Variants in MUC5AC observed in about 807,000 individuals in gnomAD.
MUC5AC encodes the protein mucin 5AC, oligomeric mucus/gel-forming, also known as mucin-5AC.
Under a neutral mutation model 169.7 loss-of-function variants are expected in MUC5AC, and 158 were observed. The observed-to-expected ratio is 0.93, with a 90% CI of 0.82 to 1.06. The LOEUF (loss-of-function observed/expected upper bound fraction) is 1.06. Ranked by LOEUF, MUC5AC falls within the 50% of genes least tolerant of loss-of-function variation. MUC5AC has a pLI of 0.00. For synonymous variants in MUC5AC, 1,975 were observed against 1,237.0 expected, an observed-to-expected ratio of 1.60 and a Z score of -12.52; for missense variants, 4,359 against 3,089.9, an observed-to-expected ratio of 1.41 and a Z score of -9.74.
At chr11:1,193,385 C>A in intron 32 of MUC5AC, 100 bp from the exon 33 acceptor site, 1 of 633,714 alleles carries the variant, frequency 1.6e-6, no homozygotes, top group Non-Finnish European at 2.9e-6. Context: ...CCACCCTCCC[C>A]TGTCCCCACA....
chr11:1,172,575 G>T, intron 16 of MUC5AC, 52 bp downstream of exon 16: 1 of 398,584 alleles, frequency 2.5e-6, no homozygotes, highest in South Asian at 1.3e-4. Flanking sequence ...TGAGCCTCAC[G>T]GCTGCCTCCA....
chr11:1,200,194 C>T (rs917435161), intron 48 of MUC5AC, among the ~76,000 whole-genome samples: 6 of 152,226 alleles, frequency 3.9e-5, no homozygotes, highest in Non-Finnish European at 4.4e-5. Context: ...TACTGAGCTC[C>T]GCCAGGAACT....
intron 26 of MUC5AC, 104 bp from the exon 27 acceptor site, chr11:1,179,918 C>T (rs1328256550): frequency 4.8e-5 from 19 of 397,636 alleles, no homozygotes; most frequent in South Asian, 3.9e-4. Flanking sequence ...TTGTGATGGC[C>T]GGGAGGTGCA....
At chr11:1,160,897 C>G (rs1860123843) in intron 2 of MUC5AC, among the ~76,000 whole-genome samples, 1 of 152,238 alleles carries the variant, frequency 6.6e-6, no homozygotes, top group African/African-American at 2.4e-5. Context: ...CCCTGCAGCG[C>G]TTAGGCTCTG....
At position 1,187,871 on chromosome 11, in the gene MUC5AC, C is replaced by T. The variant is rs1554928369; in HGVS notation, c.9726C>T (p.His3242=). ...TAGACTTCCCATCCCCTGGACCCCACGGCGGGGACAAGGAAACCTACAACA... is the reference window on the plus strand; with the variant it reads ...TAGACTTCCCATCCCCTGGACCCCATGGCGGGGACAAGGAAACCTACAACA... ...FDIDFPSPGP[H]GGDKETYNNI... is the part of the protein sequence containing the mutation. The change falls in exon 31 of 49, where the codon CAC becomes CAT. Residue 3242 remains histidine, a synonymous_variant. Coordinates refer to ENST00000621226, the MANE Select transcript of MUC5AC (RefSeq NM_001304359.2). 290 of 760,346 alleles carry T rather than the reference C, an allele frequency of 3.8e-4. 1 individual carries two copies. The highest frequency in any genetic ancestry group is 3.0e-3 in the South Asian group (219 of 74,158). 47.1% of individuals were successfully genotyped at this position (760,346 alleles called of 1,614,324 possible).
chr11:1,193,597 A>G lies in MUC5AC; in HGVS notation c.14693A>G (p.Asn4898Ser). The change falls in exon 33 of 49, where the codon AAC becomes AGC. Residue 4898 changes from asparagine (N) to serine (S), a missense_variant. By Grantham distance (46) the Asn-to-Ser change is conservative. Transcript: ENST00000621226. ...AGGGTGGAGAAGCCCACTTGTGCCA[A>G]CGGCTACCCGGCTGTGAAGGTGGCT... ...CPRVEKPTCA[N>S]GYPAVKVADQ... is the part of the protein sequence containing the mutation. 1.3e-6 allele frequency: 1 copy of G among 765,022 alleles called. No individual in the cohort carries two copies. Among genetic ancestry groups the G allele is most frequent in the South Asian group, 1.3e-5 (1 of 74,616 alleles). 47.4% of individuals were successfully genotyped at this position (765,022 alleles called of 1,614,324 possible). A position where few individuals can be genotyped will look rare whatever the true frequency, so the allele number is the denominator to read the frequency against.
chr11:1,198,133 C>T (rs774285215), intron 42 of MUC5AC, 129 bp downstream of exon 42: 24 of 676,094 alleles, frequency 3.5e-5, no homozygotes, highest in South Asian at 9.4e-5. Context: ...CTGAGCCTTC[C>T]GCAGAGATGA....
chr11:1,194,402 C>T (rs1397447366), intron 34 of MUC5AC, 42 bp downstream of exon 34: 9 of 707,882 alleles, frequency 1.3e-5, no homozygotes, highest in Non-Finnish European at 2.1e-5. Flanking sequence ...GTGGGGGACG[C>T]GGCTTTCCCG....
Position 1,194,256 on chromosome 11 carries a change from G to A in MUC5AC, c.14902G>A (p.Gly4968Ser), listed in dbSNP as rs757136275. ...CGTGCTCGTCGACAACTACTTCTGC[G>A]GTGCGGAGGACGGGCTCTCCTGCCC... is the stretch of plus-strand genomic sequence containing the variant. ...FRVLVDNYFC[G>S]AEDGLSCPRS... The change falls in exon 34 of 49, where the codon GGT (glycine) becomes AGT (serine). Residue 4968 changes from glycine to serine, a missense_variant. Physicochemically the swap from Gly to Ser is moderately conservative, Grantham distance 56. Transcript: ENST00000621226. 3.8e-5 allele frequency: 29 copies of A among 764,386 alleles called. No homozygotes were observed. Among genetic ancestry groups the A allele is most frequent in the Non-Finnish European group, 5.5e-5 (23 of 417,700 alleles). The allele number at this position is 764,386 out of a possible 1,614,324, so 47.4% of individuals were successfully genotyped here.
At chr11:1,165,527 A>G in intron 10 of MUC5AC, 95 bp from the exon 11 acceptor site, 1 of 1,586,264 alleles carries the variant, frequency 6.3e-7, no homozygotes. Flanking sequence ...CGGTGTAGGC[A>G]GGCCTGGGGT....
rs1860234876 is a variant in MUC5AC, at chr11:1,164,204, C to T, written c.888C>T (p.Cys296=). The T allele has an allele frequency of 1.9e-6, 3 of 1,612,506 alleles. No homozygotes were observed. Among genetic ancestry groups the T allele is most frequent in the Non-Finnish European group, 2.5e-6 (3 of 1,179,876 alleles). The part of the protein sequence containing the change: ...SYLEACRQDL[C]FCEDTDLLSC... The stretch of plus-strand genomic sequence containing the variant: ...TGGAGGCTTGCAGGCAAGACCTCTG[C>T]TTCTGTGAAGACACCGACCTGCTCA... The change falls in exon 8 of 49, where the codon TGC becomes TGT. Residue 296 remains cysteine, a synonymous_variant. Coordinates refer to ENST00000621226, the MANE Select transcript of MUC5AC (RefSeq NM_001304359.2).
At chr11:1,169,242 G>A in intron 15 of MUC5AC, 1 of 877,320 alleles carries the variant, frequency 1.1e-6, no homozygotes, top group Non-Finnish European at 1.4e-6. Context: ...GTCAAAGAAA[G>A]GGTACAAGTC....
At position 1,192,144 on chromosome 11, in the gene MUC5AC, C is replaced by T. The variant is rs778196928; in HGVS notation, c.13999C>T (p.Arg4667Ter). Residue 4667 changes from arginine to a stop codon, truncating the protein, a stop_gained, in exon 31 of 49, where the codon CGA becomes TGA. Transcript: ENST00000621226. LOFTEE classifies it high-confidence loss of function. Reference protein sequence around the residue: ...IIRSGEKICRRPEEITRLQCR... With the variant: ...IIRSGEKICR ...CAGGAGTGGGGAAAAAATCTGCCGC[C>T]GACCTGAGGAGATCACCAGGCTCCA... 3.9e-6 allele frequency: 3 copies of T among 764,942 alleles called. No homozygotes were observed. The highest frequency in any genetic ancestry group is 7.2e-6 in the Non-Finnish European group (3 of 417,892). 47.4% of individuals were successfully genotyped at this position (764,942 alleles called of 1,614,324 possible).
intron 43 of MUC5AC, 101 bp from the exon 44 acceptor site, chr11:1,198,773 G>A: frequency 1.5e-6 from 1 of 652,940 alleles, no homozygotes; most frequent in Non-Finnish European, 2.8e-6. Context: ...GGCCTGGAGG[G>A]GGATGTCTGG....
chr11:1,177,936 G>T (rs1313030918), intron 24 of MUC5AC, among the ~76,000 whole-genome samples: 1 of 149,740 alleles, frequency 6.7e-6, no homozygotes, highest in Non-Finnish European at 1.5e-5. Flanking sequence ...GCTCTGGGGG[G>T]CTCCTTTTGG....
At position 1,168,677 on chromosome 11, in the gene MUC5AC, A is replaced by G. The variant is rs749039414; in HGVS notation, c.1603A>G (p.Ile535Val). The G allele has an allele frequency of 4.0e-5, 65 of 1,610,582 alleles. No individual in the cohort carries two copies. Among genetic ancestry groups the G allele is most frequent in the Non-Finnish European group, 4.0e-5 (47 of 1,178,138 alleles). ...CATCTTCAGACCCTCAACCTTCTTC[A>G]TCATCGCCCAGACCAGCCTGGGCCT... ...VTIFRPSTFF[I>V]IAQTSLGLQL... The change falls in exon 14 of 49, where the codon ATC (isoleucine) becomes GTC (valine). Residue 535 changes from isoleucine to valine, a missense_variant. Coordinates refer to ENST00000621226, the MANE Select transcript of MUC5AC (RefSeq NM_001304359.2).
Position 1,178,693 on chromosome 11 carries a change from C to T in MUC5AC, c.3327+10C>T. On this transcript the variant is annotated intron_variant, in intron 25 of 48. Coordinates refer to ENST00000621226, the MANE Select transcript of MUC5AC (RefSeq NM_001304359.2). ...CGCCTGCCACGCACACGTATGCTGG[C>T]CGGGGGGCGTTTCTCTGGGCCCAAG... 7.9e-7 allele frequency: 1 copy of T among 1,263,874 alleles called. No homozygotes were observed. The highest frequency in any genetic ancestry group is 1.0e-6 in the Non-Finnish European group (1 of 989,646). 78.3% of individuals were successfully genotyped at this position (1,263,874 alleles called of 1,614,324 possible).
Position 1,161,550 on chromosome 11 carries a change from G to C in MUC5AC, c.175G>C (p.Val59Leu). The change falls in exon 3 of 49, where the codon GTC becomes CTC. Residue 59 changes from valine (V) to leucine (L), a missense_variant. Coordinates refer to ENST00000621226, the MANE Select transcript of MUC5AC (RefSeq NM_001304359.2). The stretch of plus-strand genomic sequence containing the variant: ...AGGGGTCCCGCTCCGTGGGGCGACT[G>C]TCTTCCCATCTCTGAGGACCATCCC... ...PSGVPLRGAT[V>L]FPSLRTIPVV... The C allele has an allele frequency of 6.2e-7, 1 of 1,609,492 alleles. No individual in the cohort carries two copies. Among genetic ancestry groups the C allele is most frequent in the Non-Finnish European group, 8.5e-7 (1 of 1,177,854 alleles).
chr11:1,168,615 C>A (rs951148790), intron 13 of MUC5AC, 27 bp from the exon 14 acceptor site: 2 of 1,611,944 alleles, frequency 1.2e-6, no homozygotes, highest in Non-Finnish European at 8.5e-7. Context: ...CAGCCCCCAG[C>A]AAAACCCTTG....
Sources: gnomAD v4.1 joint callset for allele counts (sites outside exome capture counted in the v4.1 genomes callset) on GRCh38, gnomAD v4.1.1 for gene constraint, MANE v1.5 for transcripts, NCBI Gene and HGNC (gene_info 2026-07-23, HGNC 2026-07-21) for gene names.